DCUN1D4: variants seen among roughly 807,000 people sequenced by gnomAD.
The protein encoded by DCUN1D4 is DCN1-like protein 4.
DCUN1D4 carries 22 observed loss-of-function variants against 47.9 expected under a neutral mutation model. The observed-to-expected ratio is 0.46, with a 90% CI of 0.33 to 0.66. DCUN1D4 has a LOEUF of 0.66. Among genes scored for constraint, DCUN1D4 ranks in the 30% least tolerant of loss-of-function variants. The pLI is 0.02. For missense variants in DCUN1D4, 301 were observed against 340.8 expected (o/e 0.88, Z 0.92); for synonymous variants, 121 against 112.2 (o/e 1.08, Z -0.50).
upstream of DCUN1D4, among the ~76,000 whole-genome samples, chr4:51,840,722 C>T (rs553962728): frequency 6.6e-6 from 1 of 152,088 alleles, no homozygotes; most frequent in Admixed American, 6.5e-5. Context: ...TAACAAGTTT[C>T]CTGATATCAG....
chr4:51,841,471 C>T (rs539620308), upstream of DCUN1D4, among the ~76,000 whole-genome samples: 2 of 152,214 alleles, frequency 1.3e-5, no homozygotes, highest in African/African-American at 4.8e-5. Flanking sequence ...TGTGGGGCCC[C>T]GCTGAGGTAC....
At chr4:51,886,898 A>G in intron 6 of DCUN1D4, 1 of 451,390 alleles carries the variant, frequency 2.2e-6, no homozygotes, top group Non-Finnish European at 4.1e-6. Context: ...TGCTTACAAA[A>G]TGGTGTGGCC....
chr4:51,886,371 G>T (rs1167871619), intron 5 of DCUN1D4, among the ~76,000 whole-genome samples, 197 bp from the exon 6 acceptor site: 3 of 152,184 alleles, frequency 2.0e-5, no homozygotes, highest in African/African-American at 7.2e-5. Context: ...GTGATAAGTT[G>T]ATTTAAATGA....
rs1461274851 is a variant in DCUN1D4 at position 51,916,146 on chromosome 4, A to G, written c.*2562A>G. 6.6e-6 allele frequency: 1 copy of G among 151,964 alleles called. No homozygotes were observed. Among genetic ancestry groups the G allele is most frequent in the East Asian group, 1.9e-4 (1 of 5,178 alleles). 9.4% of individuals were successfully genotyped at this position (151,964 alleles called of 1,614,324 possible). A position where few individuals can be genotyped will look rare whatever the true frequency, so the allele number is the denominator to read the frequency against. ...GTTTTCTTTAGTACCTAAGTCTACA[A>G]CCCTTTCTCTTTTTCTATTGTGTTT... On this transcript the variant is annotated 3_prime_UTR_variant, in exon 11 of 11. Coordinates refer to ENST00000334635, the MANE Select transcript of DCUN1D4 (RefSeq NM_001040402.3).
At chr4:51,844,490 G>C (rs1225005721) in intron 1 of DCUN1D4, 3 of 812,540 alleles carry the variant, frequency 3.7e-6, no homozygotes, top group Non-Finnish European at 4.5e-6. Flanking sequence ...CGGAGGGGTC[G>C]GGCCCTGATG....
intron 9 of DCUN1D4, 123 bp downstream of exon 9, chr4:51,911,297 G>A: frequency 1.2e-6 from 1 of 831,288 alleles, no homozygotes; most frequent in Non-Finnish European, 1.9e-6. Flanking sequence ...GAATTACGGT[G>A]ACATAATTGC....
chr4:51,894,422 C>CA (rs1285352095), intron 7 of DCUN1D4, among the ~76,000 whole-genome samples: 2 of 143,730 alleles, frequency 1.4e-5, no homozygotes, highest in Non-Finnish European at 3.0e-5. Context: ...ATTTGTTTGG[C>CA]AAATGTTTGA....
intron 1 of DCUN1D4, chr4:51,848,451 C>A: frequency 1.1e-6 from 1 of 945,472 alleles, no homozygotes; most frequent in Non-Finnish European, 1.3e-6. Context: ...GGATTTATTT[C>A]TTAAGTTAAC....
At chr4:51,900,807 G>C (rs75775595) in intron 8 of DCUN1D4, among the ~76,000 whole-genome samples, 1,734 of 151,870 alleles carry the variant, frequency 0.011, 35 homozygotes, top group African/African-American at 0.036. Flanking sequence ...GTTTCTTATA[G>C]TATGGGTAGA....
At chr4:51,852,120 A>G (rs958340923) in intron 1 of DCUN1D4, among the ~76,000 whole-genome samples, 1 of 152,182 alleles carries the variant, frequency 6.6e-6, no homozygotes, top group Non-Finnish European at 1.5e-5. Context: ...CAGCAGGATC[A>G]GGATCTGGGA....
At chr4:51,839,673 C>T (rs1721583622), upstream of DCUN1D4, among the ~76,000 whole-genome samples, 1 of 152,228 alleles carries the variant, frequency 6.6e-6, no homozygotes. Context: ...CCAACTCTCT[C>T]ACTGTAATCT....
At position 51,882,425 on chromosome 4, in the gene DCUN1D4, AGC is replaced by A. The variant is rs1728801326; in HGVS notation, c.344-4142_344-4141del. On this transcript the variant is annotated intron_variant, in intron 5 of 10. Coordinates refer to ENST00000334635, the MANE Select transcript of DCUN1D4 (RefSeq NM_001040402.3). ...GGGAGAGGAAGCCGGGGAACACCCAAGCCATGTGCAGAGGCATGGCAAATGCA... is the reference window on the plus strand; with the variant it reads ...GGGAGAGGAAGCCGGGGAACACCCAACATGTGCAGAGGCATGGCAAATGCA... Among the ~76,000 whole-genome samples the A allele has an allele frequency of 2.0e-5, 3 of 152,308 alleles. No individual in the cohort carries two copies. In the South Asian group the frequency reaches 6.2e-4, roughly 32 times the overall value.
At chr4:51,867,851 C>G (rs1417822592) in intron 3 of DCUN1D4, among the ~76,000 whole-genome samples, 1 of 152,210 alleles carries the variant, frequency 6.6e-6, no homozygotes, top group Non-Finnish European at 1.5e-5. Context: ...TGCGCAGAAG[C>G]CTGCTTCCTG....
At chr4:51,867,560 C>T (rs891933906) in intron 3 of DCUN1D4, among the ~76,000 whole-genome samples, 24 of 152,124 alleles carry the variant, frequency 1.6e-4, no homozygotes, top group African/African-American at 3.4e-4. Context: ...CAGGTCCTCC[C>T]GACATCTGTG....
chr4:51,859,069 T>C (rs1488768029), intron 1 of DCUN1D4, among the ~76,000 whole-genome samples: 3 of 152,210 alleles, frequency 2.0e-5, no homozygotes, highest in Non-Finnish European at 4.4e-5. Flanking sequence ...TCTGCCAAGC[T>C]TGCCTGACTT....
chr4:51,842,225 C>T (rs535355723), upstream of DCUN1D4, among the ~76,000 whole-genome samples: 149 of 152,236 alleles, frequency 9.8e-4, no homozygotes, highest in African/African-American at 3.5e-3. Flanking sequence ...TTCTTAGATG[C>T]CGCCGGGGGT....
At chr4:51,901,654 C>G (rs956477158) in intron 8 of DCUN1D4, among the ~76,000 whole-genome samples, 6 of 152,218 alleles carry the variant, frequency 3.9e-5, no homozygotes, top group South Asian at 4.2e-4. Context: ...ATCAGCCTGT[C>G]GGGGTGGGAT....
At chr4:51,876,405 C>T (rs1037121506) in intron 4 of DCUN1D4, among the ~76,000 whole-genome samples, 9 of 131,512 alleles carry the variant, frequency 6.8e-5, no homozygotes, top group Admixed American at 2.4e-4. Flanking sequence ...CATCACACAC[C>T]GGGGGGCCTG....
chr4:51,897,272 TTAGA>T (rs1458906420), intron 7 of DCUN1D4, among the ~76,000 whole-genome samples: 3 of 152,368 alleles, frequency 2.0e-5, no homozygotes, highest in East Asian at 1.9e-4. Context: ...TTGCAGGCTT[TTAGA>T]TAGTTTATCA....
Sources: allele counts gnomAD v4.1 joint callset (sites outside exome capture counted in the v4.1 genomes callset), GRCh38; gene constraint gnomAD v4.1.1; transcripts MANE v1.5; gene names NCBI Gene and HGNC (gene_info 2026-07-23, HGNC 2026-07-21).